Variants in PTPRD observed in about 807,000 individuals in gnomAD.
The protein encoded by PTPRD is receptor-type tyrosine-protein phosphatase delta.
Under a neutral mutation model 214.5 loss-of-function variants are expected in PTPRD, and 34 were observed. That is an observed-to-expected ratio of 0.16 (90% CI 0.12 to 0.21). The LOEUF is 0.21. Among genes scored for constraint, PTPRD ranks in the 10% least tolerant of loss-of-function variants. The pLI, the probability that PTPRD is intolerant of heterozygous loss-of-function variation, is 1.00. For missense variants in PTPRD, 2,545 were observed against 2,398.7 expected, an observed-to-expected ratio of 1.06 and a Z score of -1.27; for synonymous variants, 1,128 against 845.7, an observed-to-expected ratio of 1.33 and a Z score of -5.79.
intron 2 of PTPRD, among the ~76,000 whole-genome samples, chr9:10,380,590 T>A (rs1337175473): frequency 6.6e-6 from 1 of 152,066 alleles, no homozygotes; most frequent in Non-Finnish European, 1.5e-5. Context: ...ACAGTTTTTA[T>A]TCAAAAGGAA....
At chr9:9,189,935 C>G (rs982468807) in intron 9 of PTPRD, among the ~76,000 whole-genome samples, 2 of 151,970 alleles carry the variant, frequency 1.3e-5, no homozygotes, top group Admixed American at 1.3e-4. Flanking sequence ...AGAAGTATCA[C>G]ATGTCACTTC....
intron 5 of PTPRD, among the ~76,000 whole-genome samples, chr9:9,800,167 T>A (rs79283400): frequency 0.021 from 3,238 of 152,206 alleles, 106 homozygotes; most frequent in African/African-American, 0.074. Context: ...TTAATGCCCA[T>A]TTGTTTTATA....
intron 2 of PTPRD, among the ~76,000 whole-genome samples, chr9:10,488,222 C>T (rs1477730235): frequency 1.3e-5 from 2 of 151,954 alleles, no homozygotes; most frequent in African/African-American, 2.4e-5. Flanking sequence ...AAAAAATTAG[C>T]TGGGCGCGGT....
At chr9:9,177,611 A>G (rs1327210043) in intron 10 of PTPRD, among the ~76,000 whole-genome samples, 1 of 152,140 alleles carries the variant, frequency 6.6e-6, no homozygotes, top group Non-Finnish European at 1.5e-5. Flanking sequence ...ATTAATTCAA[A>G]CAATCCAAAC....
intron 9 of PTPRD, among the ~76,000 whole-genome samples, chr9:9,305,402 T>C (rs1000295373): frequency 6.6e-6 from 1 of 152,116 alleles, no homozygotes; most frequent in African/African-American, 2.4e-5. Flanking sequence ...TGTGAGGCAC[T>C]GTATAAGGTC....
intron 45 of PTPRD, among the ~76,000 whole-genome samples, chr9:8,319,617 AC>A (rs1392667058): frequency 5.3e-5 from 8 of 152,116 alleles, no homozygotes; most frequent in Non-Finnish European, 7.4e-5. Context: ...GCTCAATCTA[AC>A]ATATAATCTC....
At chr9:9,888,477 T>C (rs539367803) in intron 5 of PTPRD, among the ~76,000 whole-genome samples, 2 of 152,120 alleles carry the variant, frequency 1.3e-5, no homozygotes, top group Admixed American at 6.6e-5. Context: ...GTTTGGGTCA[T>C]GGGGAGAGGG....
chr9:8,709,833 A>C (rs910252687), intron 12 of PTPRD, among the ~76,000 whole-genome samples: 1 of 152,206 alleles, frequency 6.6e-6, no homozygotes, highest in Non-Finnish European at 1.5e-5. Flanking sequence ...TGGTGTGCTA[A>C]GGGAAAGGTA....
intron 3 of PTPRD, among the ~76,000 whole-genome samples, chr9:10,213,682 C>T (rs1184492646): frequency 1.3e-5 from 2 of 151,830 alleles, no homozygotes; most frequent in South Asian, 2.1e-4. Context: ...TGTTTATTTC[C>T]CCTTATTTTA....
At chr9:8,987,104 G>A (rs1366180070) in intron 11 of PTPRD, among the ~76,000 whole-genome samples, 1 of 152,072 alleles carries the variant, frequency 6.6e-6, no homozygotes, top group Non-Finnish European at 1.5e-5. Context: ...CCTGTAGCAT[G>A]TTGTCAAAAT....
At chr9:9,937,649 G>A (rs1268703361) in intron 5 of PTPRD, among the ~76,000 whole-genome samples, 1 of 152,056 alleles carries the variant, frequency 6.6e-6, no homozygotes, top group Non-Finnish European at 1.5e-5. Flanking sequence ...CTTATTACAT[G>A]TTTCTTGTAT....
At chr9:10,214,331 T>C (rs1281767546) in intron 3 of PTPRD, among the ~76,000 whole-genome samples, 1 of 151,972 alleles carries the variant, frequency 6.6e-6, no homozygotes, top group Non-Finnish European at 1.5e-5. Context: ...GGCTGGAGTA[T>C]AATGATGTTG....
At chr9:9,351,183 G>A (rs1231783035) in intron 9 of PTPRD, among the ~76,000 whole-genome samples, 3 of 152,078 alleles carry the variant, frequency 2.0e-5, no homozygotes, top group Middle Eastern at 3.4e-3. Flanking sequence ...CAAATGTACA[G>A]ATTTGAGTTT....
At chr9:9,234,043 C>A (rs2099964911) in intron 9 of PTPRD, among the ~76,000 whole-genome samples, 2 of 152,140 alleles carry the variant, frequency 1.3e-5, no homozygotes, top group Admixed American at 6.5e-5. Context: ...GGCTCCAACC[C>A]CACATTTCCC....
At chr9:9,669,291 C>T (rs2821479) in intron 7 of PTPRD, among the ~76,000 whole-genome samples, 66,757 of 151,964 alleles carry the variant, frequency 0.44, 15,397 homozygotes, top group African/African-American at 0.53. Context: ...AGGAACACAA[C>T]AGATAGAGAT....
chr9:9,400,762 G>T (rs987093604), intron 8 of PTPRD, among the ~76,000 whole-genome samples: 3 of 152,002 alleles, frequency 2.0e-5, no homozygotes, highest in African/African-American at 7.2e-5. Flanking sequence ...GTGAGGAAAT[G>T]GAGTCAAACC....
At chr9:8,915,385 TACA>T (rs1441881063) in intron 11 of PTPRD, among the ~76,000 whole-genome samples, 1 of 152,140 alleles carries the variant, frequency 6.6e-6, no homozygotes, top group Non-Finnish European at 1.5e-5. Context: ...TGATGTGATT[TACA>T]ACAAGAGGCA....
intron 2 of PTPRD, among the ~76,000 whole-genome samples, chr9:10,480,642 C>A (rs10959118): frequency 0.43 from 65,144 of 151,638 alleles, 15,279 homozygotes; most frequent in Admixed American, 0.6. Context: ...CATATTTATA[C>A]AATATTAAAT....
intron 9 of PTPRD, among the ~76,000 whole-genome samples, chr9:9,382,217 A>G (rs962882656): frequency 6.6e-6 from 1 of 151,974 alleles, no homozygotes; most frequent in Non-Finnish European, 1.5e-5. Context: ...AGTAATTTTT[A>G]TATGTTGATT....
Sources: allele counts gnomAD v4.1 joint callset (sites outside exome capture counted in the v4.1 genomes callset), GRCh38; gene constraint gnomAD v4.1.1; transcripts MANE v1.5; gene names NCBI Gene and HGNC (gene_info 2026-07-23, HGNC 2026-07-21).